The following NLGN1 variants were observed in gnomAD, a reference collection of about 807,000 sequenced individuals.
NLGN1 encodes neuroligin 1, also known as neuroligin-1.
NLGN1 carries 12 observed loss-of-function variants against 65.5 expected under a neutral mutation model. The ratio of observed to expected loss-of-function variants is 0.18; its 90% CI spans 0.12 to 0.30. NLGN1 has a LOEUF of 0.30. Among genes scored for constraint, NLGN1 ranks in the 10% least tolerant of loss-of-function variants. NLGN1 has a pLI of 1.00. For synonymous variants in NLGN1, 350 were observed against 359.5 expected (o/e 0.97, Z 0.30); for missense variants, 750 against 1,007.1 (o/e 0.74, Z 3.46).
chr3:174,251,192 A>G (rs1744710170), intron 4 of NLGN1, among the ~76,000 whole-genome samples: 1 of 152,238 alleles, frequency 6.6e-6, no homozygotes, highest in South Asian at 2.1e-4. Context: ...AACATTTTTC[A>G]AATAATGTTT....
At position 173,840,909 on chromosome 3, in the gene NLGN1, G is replaced by A. The variant is rs570818987; in HGVS notation, c.646+33077G>A. Among the ~76,000 whole-genome samples, 7 of 152,028 alleles carry A rather than the reference G, an allele frequency of 4.6e-5. No homozygotes were observed. In the East Asian group the frequency reaches 5.8e-4, roughly 13 times the overall value. On this transcript the variant is annotated intron_variant, in intron 4 of 6. Coordinates refer to ENST00000457714, the Ensembl canonical transcript of NLGN1. ...ATATAAGAAATACCCTAACCCACAC[G>A]TTAACATCCTCACAACTTAACTTCA...
intron 3 of NLGN1, among the ~76,000 whole-genome samples, chr3:173,607,908 A>G (rs1294466238): frequency 2.0e-5 from 3 of 151,592 alleles, no homozygotes; most frequent in African/African-American, 4.8e-5. Flanking sequence ...TTTATTATGT[A>G]TGGATCACCT....
chr3:173,752,603 A>G (rs1284084520), intron 3 of NLGN1, among the ~76,000 whole-genome samples: 3 of 152,088 alleles, frequency 2.0e-5, no homozygotes, highest in Non-Finnish European at 2.9e-5. Flanking sequence ...TTTCTTACCT[A>G]TAGCTGGACT....
rs1443489577 is a variant in NLGN1, at chr3:174,126,717, G to C, written c.647-148598G>C. Among the ~76,000 whole-genome samples the C allele has an allele frequency of 3.3e-5, 5 of 152,008 alleles. 1 individual carries two copies. The highest frequency in any genetic ancestry group is 6.6e-5 in the Admixed American group (1 of 15,236). ...GTGCAAATGCCATATTGGAAAACTA[G>C]ACCCTTGAAAATCACCAACTACTGG... On this transcript the variant is annotated intron_variant, in intron 4 of 6. Coordinates refer to ENST00000457714, the Ensembl canonical transcript of NLGN1.
intron 4 of NLGN1, among the ~76,000 whole-genome samples, chr3:174,171,701 A>G (rs894013177): frequency 1.4e-4 from 21 of 152,082 alleles, no homozygotes; most frequent in African/African-American, 4.8e-4. Context: ...GGAATTTTGA[A>G]TCTTTAGGTA....
At chr3:173,514,235 A>C (rs1733468920) in intron 2 of NLGN1, among the ~76,000 whole-genome samples, 1 of 152,182 alleles carries the variant, frequency 6.6e-6, no homozygotes, top group Non-Finnish European at 1.5e-5. Flanking sequence ...AGATTTTTAA[A>C]AATGTTTGTT....
intron 5 of NLGN1, among the ~76,000 whole-genome samples, chr3:174,277,064 A>G (rs1750718970): frequency 6.6e-6 from 1 of 151,958 alleles, no homozygotes; most frequent in Admixed American, 6.6e-5. Flanking sequence ...ACAGTAGGAA[A>G]TGGTTATGCA....
chr3:174,135,548 T>C lies in NLGN1; in HGVS notation c.647-139767T>C, dbSNP rs80247962. On this transcript the variant is annotated intron_variant, in intron 4 of 6. Transcript: ENST00000457714. The stretch of plus-strand genomic sequence containing the variant: ...AAGCTTTTTTATTCACTCTAGTTTT[T>C]AGTAAATGGGTTTGAAGTGCTAACA... Among the ~76,000 whole-genome samples, 1,180 of 152,288 alleles carry C rather than the reference T, an allele frequency of 7.7e-3. 98 individuals carry two copies. In the East Asian group the frequency reaches 0.18, roughly 24 times the overall value.
intron 2 of NLGN1, among the ~76,000 whole-genome samples, 186 bp from the exon 2 acceptor site, chr3:173,604,093 C>A (rs1295610341): frequency 1.3e-5 from 2 of 152,120 alleles, no homozygotes; most frequent in Non-Finnish European, 2.9e-5. Context: ...AGATGCATTT[C>A]TCAATAATCT....
chr3:173,588,487 T>C (rs1747882462), intron 2 of NLGN1, among the ~76,000 whole-genome samples: 1 of 152,182 alleles, frequency 6.6e-6, no homozygotes, highest in African/African-American at 2.4e-5. Context: ...GTAGCTAACC[T>C]GTGTGATAGA....
chr3:173,889,357 C>T (rs1176338227), intron 4 of NLGN1, among the ~76,000 whole-genome samples: 1 of 152,042 alleles, frequency 6.6e-6, no homozygotes, highest in African/African-American at 2.4e-5. Flanking sequence ...ACCTTTCTTT[C>T]TGCGTAACTG....
intron 4 of NLGN1, 40 bp downstream of exon 4, chr3:173,807,872 G>T: frequency 6.3e-7 from 1 of 1,580,022 alleles, no homozygotes; most frequent in Non-Finnish European, 8.7e-7. Flanking sequence ...ATGAATCCAT[G>T]AAGTATGTGA....
At chr3:173,608,731 C>T (rs1195143281) in intron 3 of NLGN1, among the ~76,000 whole-genome samples, 3 of 151,594 alleles carry the variant, frequency 2.0e-5, no homozygotes, top group African/African-American at 7.3e-5. Context: ...TATATCTATC[C>T]ATCCTTCCTC....
rs137997573 is a variant in NLGN1 at position 174,228,074 on chromosome 3, A to AT, written c.647-47231dup. ...AGGATTATTGTGTTTTTCTCTCTCC[A>AT]TTTTTTTTTTACATTGAAATTGTTT... On this transcript the variant is annotated intron_variant, in intron 4 of 6. Transcript: ENST00000457714. Among the ~76,000 whole-genome samples, 918 of 149,040 alleles carry AT rather than the reference A, an allele frequency of 6.2e-3. 21 individuals are homozygous for AT. The highest frequency in any genetic ancestry group is 0.031 in the East Asian group (159 of 5,128).
At chr3:173,903,033 G>A (rs939853952) in intron 4 of NLGN1, among the ~76,000 whole-genome samples, 1 of 152,124 alleles carries the variant, frequency 6.6e-6, no homozygotes, top group Non-Finnish European at 1.5e-5. Context: ...GTGTGTCACA[G>A]CATTCTATGC....
At chr3:173,694,938 T>A (rs915582432) in intron 3 of NLGN1, among the ~76,000 whole-genome samples, 5 of 152,172 alleles carry the variant, frequency 3.3e-5, no homozygotes, top group Non-Finnish European at 1.5e-5. Flanking sequence ...AGTTGAGGTG[T>A]GAGTAACTTT....
intron 4 of NLGN1, among the ~76,000 whole-genome samples, chr3:174,242,129 G>A (rs992216334): frequency 4.6e-5 from 7 of 152,282 alleles, no homozygotes; most frequent in Admixed American, 4.6e-4. Flanking sequence ...CTTACCAGCA[G>A]TGTGATTTTA....
At chr3:173,730,473 C>T (rs1178445053) in intron 3 of NLGN1, among the ~76,000 whole-genome samples, 2 of 151,844 alleles carry the variant, frequency 1.3e-5, no homozygotes, top group Non-Finnish European at 2.9e-5. Context: ...TTTCAACAAG[C>T]GATCATTGTG....
chr3:174,077,457 T>C (rs1741238702), intron 4 of NLGN1, among the ~76,000 whole-genome samples: 1 of 152,216 alleles, frequency 6.6e-6, no homozygotes, highest in Non-Finnish European at 1.5e-5. Context: ...AGAAATTAAT[T>C]GTATAAATAG....
Sources: gnomAD v4.1 joint callset for allele counts (sites outside exome capture counted in the v4.1 genomes callset) on GRCh38, gnomAD v4.1.1 for gene constraint, MANE v1.5 for transcripts, NCBI Gene and HGNC (gene_info 2026-07-23, HGNC 2026-07-21) for gene names.